TENM3: variants seen among roughly 807,000 people sequenced by gnomAD.
TENM3 encodes the protein teneurin transmembrane protein 3, also known as teneurin-3.
A neutral mutation model predicts 255.1 loss-of-function variants in TENM3; 63 were observed. The observed-to-expected ratio is 0.25, with a 90% confidence interval of 0.20 to 0.30. The LOEUF is 0.30. Ranked by LOEUF, TENM3 falls within the 10% of genes least tolerant of loss-of-function variation. The pLI is 1.00. For missense variants in TENM3, 2,929 were observed against 3,461.1 expected (o/e 0.85, Z 3.86); for synonymous variants, 1,306 against 1,322.3 (o/e 0.99, Z 0.27).
At chr4:182,773,427 C>T (rs1561232526) in intron 22 of TENM3, 45 bp from the exon 23 acceptor site, 1 of 1,513,436 alleles carries the variant, frequency 6.6e-7, no homozygotes, top group Non-Finnish European at 8.9e-7. Flanking sequence ...TCAGAAGAAA[C>T]TGCAGTTTCC....
At chr4:181,561,107 C>G in the TENM3 span, among the ~76,000 whole-genome samples, 2 of 152,074 alleles carry the variant, frequency 1.3e-5, no homozygotes, top group Non-Finnish European at 2.9e-5. Flanking sequence ...TGTGTGCCAC[C>G]AACGTCCGGC....
chr4:181,843,716 CTTTTT>C, the TENM3 span, among the ~76,000 whole-genome samples: 21 of 104,686 alleles, frequency 2.0e-4, no homozygotes, highest in African/African-American at 5.7e-4. Context: ...TAAGGGCCTT[CTTTTT>C]TTTTTTTTTT....
chr4:182,479,892 C>T (rs6813707), intron 3 of TENM3, among the ~76,000 whole-genome samples: 136,251 of 152,004 alleles, frequency 0.9, 61,652 homozygotes, highest in East Asian at 1. Flanking sequence ...TCTGTAAAAA[C>T]AAATAAACGG....
intron 19 of TENM3, among the ~76,000 whole-genome samples, chr4:182,749,691 G>A (rs1192950857): frequency 1.3e-5 from 2 of 152,188 alleles, no homozygotes; most frequent in East Asian, 3.8e-4. Context: ...TTTAGTGTTA[G>A]TAATGAAGTT....
At chr4:182,423,874 A>T (rs187927985) in intron 3 of TENM3, among the ~76,000 whole-genome samples, 1 of 152,182 alleles carries the variant, frequency 6.6e-6, no homozygotes, top group Non-Finnish European at 1.5e-5. Flanking sequence ...CATTAAACAT[A>T]TGCCTTCCGT....
At chr4:181,892,030 C>T in the TENM3 span, among the ~76,000 whole-genome samples, 1 of 152,202 alleles carries the variant, frequency 6.6e-6, no homozygotes, top group Non-Finnish European at 1.5e-5. Context: ...CCAGGATAGA[C>T]TGGAGGCTCA....
the TENM3 span, among the ~76,000 whole-genome samples, chr4:181,448,992 C>A: frequency 2.6e-5 from 4 of 152,028 alleles, no homozygotes; most frequent in East Asian, 3.9e-4. Flanking sequence ...TGACTAAATA[C>A]CAGCATATGA....
At chr4:182,237,767 C>G (rs1232631526) in intron 1 of TENM3, among the ~76,000 whole-genome samples, 1 of 152,160 alleles carries the variant, frequency 6.6e-6, no homozygotes, top group Non-Finnish European at 1.5e-5. Context: ...CATGAATATT[C>G]AAACTTATGG....
intron 3 of TENM3, among the ~76,000 whole-genome samples, chr4:182,498,314 G>C (rs1735992814): frequency 6.6e-6 from 1 of 152,008 alleles, no homozygotes; most frequent in Non-Finnish European, 1.5e-5. Context: ...ACTAAATTTA[G>C]CTCAGAAATT....
the TENM3 span, among the ~76,000 whole-genome samples, chr4:181,515,261 T>G: frequency 4.2e-4 from 64 of 152,224 alleles, no homozygotes; most frequent in Admixed American, 9.2e-4. Flanking sequence ...CATGTCTTAC[T>G]GTGTTCTCTT....
At chr4:181,935,426 A>G in the TENM3 span, among the ~76,000 whole-genome samples, 1 of 152,330 alleles carries the variant, frequency 6.6e-6, no homozygotes, top group East Asian at 1.9e-4. Context: ...AGAAACTCTC[A>G]TTCCTCTTTT....
At chr4:181,836,467 GT>G in the TENM3 span, among the ~76,000 whole-genome samples, 1 of 152,112 alleles carries the variant, frequency 6.6e-6, no homozygotes, top group Non-Finnish European at 1.5e-5. Context: ...GATTTTGCAT[GT>G]TGTGTATGAG....
the TENM3 span, among the ~76,000 whole-genome samples, chr4:181,506,807 T>C: frequency 6.6e-6 from 1 of 151,824 alleles, no homozygotes; most frequent in Non-Finnish European, 1.5e-5. Context: ...AGTTACTCTT[T>C]CTGAGAACTG....
intron 5 of TENM3, among the ~76,000 whole-genome samples, chr4:182,635,054 G>A (rs9918033): frequency 0.69 from 104,231 of 151,632 alleles, 36,984 homozygotes; most frequent in African/African-American, 0.85. Flanking sequence ...CTTTAATTTC[G>A]TGAGCATCTC....
intron 5 of TENM3, among the ~76,000 whole-genome samples, chr4:182,641,794 T>A (rs1279388634): frequency 6.6e-6 from 1 of 152,238 alleles, no homozygotes; most frequent in Non-Finnish European, 1.5e-5. Context: ...CCCAAAGTGC[T>A]GGGATTACAG....
At chr4:181,795,031 A>G in the TENM3 span, among the ~76,000 whole-genome samples, 5 of 152,170 alleles carry the variant, frequency 3.3e-5, no homozygotes, top group African/African-American at 9.7e-5. Context: ...AATAGCCTAC[A>G]ATCCCTTGTA....
the TENM3 span, among the ~76,000 whole-genome samples, chr4:181,639,585 C>T: frequency 6.6e-6 from 1 of 152,234 alleles, no homozygotes; most frequent in East Asian, 1.9e-4. Context: ...ACTAAAAATA[C>T]AAAAATTGGC....
the TENM3 span, among the ~76,000 whole-genome samples, chr4:182,026,641 G>A: frequency 0.012 from 1,888 of 152,228 alleles, 20 homozygotes; most frequent in Non-Finnish European, 0.019. Context: ...TTTTGTATAT[G>A]GTGAGAGAGA....
At chr4:182,371,224 C>T (rs1451725877) in intron 3 of TENM3, among the ~76,000 whole-genome samples, 3 of 102,892 alleles carry the variant, frequency 2.9e-5, no homozygotes, top group African/African-American at 4.1e-5. Flanking sequence ...AAATTCTCCT[C>T]CCCATCACAC....
Sources: allele counts gnomAD v4.1 joint callset (sites outside exome capture counted in the v4.1 genomes callset), GRCh38; gene constraint gnomAD v4.1.1; transcripts MANE v1.5; gene names NCBI Gene and HGNC (gene_info 2026-07-23, HGNC 2026-07-21).